DDX19B: variants seen among roughly 807,000 people sequenced by gnomAD.
The protein encoded by DDX19B is DEAD-box helicase 19B.
A neutral mutation model predicts 58.1 loss-of-function variants in DDX19B; 27 were observed. That is an observed-to-expected ratio of 0.46 (90% CI 0.34 to 0.64). The LOEUF (loss-of-function observed/expected upper bound fraction) is 0.64. DDX19B is among the 30% of genes least tolerant of loss of function. The pLI, the probability that DDX19B is intolerant of heterozygous loss-of-function variation, is 0.01. For missense variants in DDX19B, 399 were observed against 596.5 expected (o/e 0.67, Z 3.45); for synonymous variants, 187 against 214.4 (o/e 0.87, Z 1.12).
chr16:70,307,314 A>G (rs1961807350), intron 1 of DDX19B, among the ~76,000 whole-genome samples: 1 of 152,198 alleles, frequency 6.6e-6, no homozygotes, highest in Non-Finnish European at 1.5e-5. Context: ...AAGCAGCTGC[A>G]TCATTAATCT....
rs1008136448 is a variant in DDX19B, at chr16:70,306,149, T to TTTG, written c.58-6445_58-6443dup. ...AGTTTTGTTGTTGTTGTTGTTGTTG[T>TTTG]TTGTTGTTGTTGTTGTTTTTGAAAT... On this transcript the variant is annotated intron_variant, in intron 1 of 11. Coordinates refer to ENST00000288071, the MANE Select transcript of DDX19B (RefSeq NM_007242.7). 9.2e-5 allele frequency among the ~76,000 whole-genome samples: 14 copies of TTTG among 151,426 alleles called. No individual in the cohort carries two copies. In the South Asian group the frequency reaches 1.9e-3, roughly 20 times the overall value.
At chr16:70,294,250 T>A (rs908924702), upstream of DDX19B, among the ~76,000 whole-genome samples, 1 of 151,596 alleles carries the variant, frequency 6.6e-6, no homozygotes, top group Non-Finnish European at 1.5e-5. Flanking sequence ...CCCAGCTAAT[T>A]TTTTGTATTT....
intron 2 of DDX19B, 190 bp from the exon 3 acceptor site, chr16:70,314,712 G>T: frequency 2.0e-6 from 1 of 499,172 alleles, no homozygotes; most frequent in Non-Finnish European, 3.9e-6. Flanking sequence ...ATATATATAT[G>T]TGAGCAACAG....
At chr16:70,324,748 A>G in intron 6 of DDX19B, 61 bp downstream of exon 6, 1 of 1,513,938 alleles carries the variant, frequency 6.6e-7, no homozygotes. Context: ...TTTCCATTTG[A>G]TGGATTAAAA....
chr16:70,333,815 T>C lies in DDX19B; in HGVS notation c.*233T>C. ...AAGATTAGGCATGAATACACAGAGA[T>C]TTACCTTTTGGAAGTTTCATCTTTT... On this transcript the variant is annotated 3_prime_UTR_variant, in exon 12 of 12. Transcript: ENST00000288071. 3.2e-6 allele frequency: 2 copies of C among 626,710 alleles called. No individual in the cohort carries two copies. Among genetic ancestry groups the C allele is most frequent in the East Asian group, 2.8e-5 (1 of 35,726 alleles). 38.8% of individuals were successfully genotyped at this position (626,710 alleles called of 1,614,324 possible).
At chr16:70,296,450 C>T (rs1395651405), upstream of DDX19B, among the ~76,000 whole-genome samples, 3 of 151,998 alleles carry the variant, frequency 2.0e-5, no homozygotes, top group Non-Finnish European at 2.9e-5. Context: ...TAGGCATTTT[C>T]CATAGTGTAT....
intron 2 of DDX19B, among the ~76,000 whole-genome samples, chr16:70,312,883 G>A (rs1184339991): frequency 6.6e-6 from 1 of 152,112 alleles, no homozygotes; most frequent in African/African-American, 2.4e-5. Flanking sequence ...TTGCTCTGTT[G>A]CCCAGGCTGG....
chr16:70,319,808 C>T (rs1223574242), intron 5 of DDX19B: 1 of 152,056 alleles, frequency 6.6e-6, no homozygotes, highest in Non-Finnish European at 1.5e-5. Context: ...AGGAGGATAA[C>T]CTGAGCCCAG....
chr16:70,332,837 C>G, intron 10 of DDX19B, 131 bp from the exon 11 acceptor site: 7 of 1,543,360 alleles, frequency 4.5e-6, no homozygotes, highest in Non-Finnish European at 6.2e-6. Context: ...GCTTCCTGCA[C>G]TCAATGTCAT....
chr16:70,302,249 T>A (rs1475355801), intron 1 of DDX19B, among the ~76,000 whole-genome samples: 2 of 152,118 alleles, frequency 1.3e-5, no homozygotes, highest in Non-Finnish European at 2.9e-5. Flanking sequence ...AAAGTCAGGT[T>A]TATGGAGGTA....
chr16:70,326,840 TTC>T (rs1963174774), intron 7 of DDX19B, among the ~76,000 whole-genome samples: 1 of 151,186 alleles, frequency 6.6e-6, no homozygotes, highest in South Asian at 2.1e-4. Context: ...CCAGACTTCT[TTC>T]TTTTTTTTTT....
intron 1 of DDX19B, among the ~76,000 whole-genome samples, chr16:70,306,053 G>C (rs1961735814): frequency 1.3e-5 from 2 of 152,152 alleles, no homozygotes; most frequent in South Asian, 4.2e-4. Flanking sequence ...ATGACCCACA[G>C]CACCCGGCCT....
chr16:70,321,865 C>T (rs1962842364), intron 5 of DDX19B, among the ~76,000 whole-genome samples: 2 of 151,422 alleles, frequency 1.3e-5, no homozygotes, highest in Admixed American at 1.3e-4. Flanking sequence ...GAAACCCCAT[C>T]TCTACTAAAA....
At chr16:70,293,688 T>C (rs867373240), upstream of DDX19B, among the ~76,000 whole-genome samples, 15 of 140,060 alleles carry the variant, frequency 1.1e-4, no homozygotes, top group South Asian at 9.2e-4. Context: ...CTCGGCTCAC[T>C]GCAAGCTCCG....
intron 5 of DDX19B, among the ~76,000 whole-genome samples, chr16:70,322,616 G>A (rs1451008191): frequency 1.4e-5 from 2 of 145,210 alleles, no homozygotes; most frequent in African/African-American, 2.5e-5. Context: ...AAAAAAGGCC[G>A]GGCGTGGTGG....
At chr16:70,297,219 A>T (rs1041359301), upstream of DDX19B, among the ~76,000 whole-genome samples, 2 of 144,332 alleles carry the variant, frequency 1.4e-5, no homozygotes, top group African/African-American at 5.3e-5. Flanking sequence ...CAGTCTATTT[A>T]TTTATTTTTT....
At chr16:70,301,630 CTTCT>C (rs1019072634) in intron 1 of DDX19B, among the ~76,000 whole-genome samples, 10 of 151,034 alleles carry the variant, frequency 6.6e-5, no homozygotes, top group Non-Finnish European at 1.2e-4. Context: ...CTGATTTCTT[CTTCT>C]TTGTTTTTTC....
intron 2 of DDX19B, among the ~76,000 whole-genome samples, chr16:70,314,329 G>T (rs977251177): frequency 3.3e-5 from 5 of 152,142 alleles, no homozygotes; most frequent in Middle Eastern, 3.4e-3. Flanking sequence ...GAAATAACAG[G>T]TTTTGAGGTA....
At chr16:70,297,142 C>T (rs1961252581), upstream of DDX19B, among the ~76,000 whole-genome samples, 1 of 152,136 alleles carries the variant, frequency 6.6e-6, no homozygotes, top group African/African-American at 2.4e-5. Flanking sequence ...TCTCAATCTC[C>T]TGACCTCGTG....
Sources: gnomAD v4.1 joint callset for allele counts (sites outside exome capture counted in the v4.1 genomes callset) on GRCh38, gnomAD v4.1.1 for gene constraint, MANE v1.5 for transcripts, NCBI Gene and HGNC (gene_info 2026-07-23, HGNC 2026-07-21) for gene names.